The following CRTAC1 variants were observed in gnomAD, a reference collection of about 807,000 sequenced individuals.
CRTAC1 encodes the protein cartilage acidic protein 1, also known as acidic secreted protein in cartilage.
CRTAC1 carries 37 observed loss-of-function variants against 67.8 expected under a neutral mutation model. The ratio of observed to expected loss-of-function variants is 0.55; its 90% CI spans 0.42 to 0.72. The LOEUF is 0.72. CRTAC1 is among the 30% of genes least tolerant of loss of function. The probability of loss-of-function intolerance (pLI) is 0.00; values close to 1 mark genes in which losing one functional copy is unlikely to be tolerated. For synonymous variants in CRTAC1, 348 were observed against 371.0 expected (o/e 0.94, Z 0.71); for missense variants, 780 against 931.6 (o/e 0.84, Z 2.12).
chr10:97,986,705 G>A (rs1255252664), intron 2 of CRTAC1, among the ~76,000 whole-genome samples: 1 of 152,136 alleles, frequency 6.6e-6, no homozygotes, highest in Non-Finnish European at 1.5e-5. Context: ...AGTTAATTTT[G>A]CTACAAGATG....
chr10:97,948,810 G>A (rs2051304967), intron 2 of CRTAC1, among the ~76,000 whole-genome samples: 2 of 152,216 alleles, frequency 1.3e-5, no homozygotes, highest in African/African-American at 4.8e-5. Context: ...CATGGCTTGG[G>A]AGGCCTCAGG....
intron 14 of CRTAC1, chr10:97,878,654 C>A (rs1195920771): frequency 7.7e-7 from 1 of 1,303,810 alleles, no homozygotes; most frequent in Non-Finnish European, 1.0e-6. Context: ...TTCTATTTTC[C>A]AAGGAGATTG....
chr10:97,903,559 G>T (rs1487235430), intron 7 of CRTAC1, among the ~76,000 whole-genome samples: 2 of 151,942 alleles, frequency 1.3e-5, no homozygotes, highest in African/African-American at 2.4e-5. Flanking sequence ...GACTTGGTAG[G>T]GGTGGCCTCT....
At chr10:97,931,542 T>C (rs4917794) in intron 3 of CRTAC1, among the ~76,000 whole-genome samples, 121,733 of 152,206 alleles carry the variant, frequency 0.8, 50,180 homozygotes, top group Non-Finnish European at 0.89. Flanking sequence ...TGAAATCAAA[T>C]CCAAAATGCA....
At chr10:97,877,039 A>G (rs2050156613) in intron 14 of CRTAC1, among the ~76,000 whole-genome samples, 1 of 126,828 alleles carries the variant, frequency 7.9e-6, no homozygotes, top group Non-Finnish European at 1.5e-5. Context: ...TCAGCCTTGT[A>G]TCTCTTGCAA....
chr10:97,944,560 T>C (rs2051234137), intron 2 of CRTAC1, among the ~76,000 whole-genome samples: 1 of 152,194 alleles, frequency 6.6e-6, no homozygotes. Flanking sequence ...AAGGTTGTGG[T>C]AGATGGTCTC....
intron 8 of CRTAC1, among the ~76,000 whole-genome samples, chr10:97,900,159 G>A (rs899384010): frequency 3.3e-5 from 5 of 152,264 alleles, no homozygotes; most frequent in South Asian, 2.1e-4. Context: ...AAATATTGCC[G>A]CAGCAAATCC....
At chr10:97,994,057 G>A (rs1423495730) in intron 2 of CRTAC1, among the ~76,000 whole-genome samples, 2 of 152,060 alleles carry the variant, frequency 1.3e-5, no homozygotes, top group African/African-American at 2.4e-5. Context: ...GGGTTTCACC[G>A]TGCTGGCCAG....
intron 7 of CRTAC1, among the ~76,000 whole-genome samples, chr10:97,902,721 A>G (rs1218958919): frequency 1.3e-5 from 2 of 152,174 alleles, no homozygotes; most frequent in Admixed American, 6.5e-5. Context: ...TGTCTCTGGG[A>G]GCATCCTCTA....
At chr10:97,877,027 T>G (rs1432657773) in intron 14 of CRTAC1, among the ~76,000 whole-genome samples, 1 of 149,420 alleles carries the variant, frequency 6.7e-6, no homozygotes, top group Non-Finnish European at 1.5e-5. Flanking sequence ...CCTCTGTATC[T>G]TTCAGCCTTG....
In CRTAC1 at chr10:97,956,130, T is replaced by C. The variant is rs192378758; in HGVS notation, c.225-19764A>G. Among the ~76,000 whole-genome samples, 133 of 152,322 alleles carry C rather than the reference T, an allele frequency of 8.7e-4. 1 individual carries two copies. The highest frequency in any genetic ancestry group is 2.9e-4 in the Non-Finnish European group (20 of 68,028). ...AAACATGTGACTTCCAGGAGGCAAG[T>C]TGACTGACACCAAGTTCTTCCACAT... On this transcript the variant is annotated intron_variant, in intron 2 of 14. Coordinates refer to ENST00000370597, the MANE Select transcript of CRTAC1 (RefSeq NM_018058.7).
At chr10:97,921,098 C>T (rs2050830227) in intron 4 of CRTAC1, among the ~76,000 whole-genome samples, 4 of 152,058 alleles carry the variant, frequency 2.6e-5, no homozygotes, top group Non-Finnish European at 5.9e-5. Flanking sequence ...TTGGAGTCAC[C>T]TGCAGGGCTA....
At chr10:97,920,479 C>T (rs1262930340) in intron 4 of CRTAC1, among the ~76,000 whole-genome samples, 1 of 151,858 alleles carries the variant, frequency 6.6e-6, no homozygotes. Context: ...TCAGAATCAC[C>T]TGGGGGGCTT....
Position 97,897,132 on chromosome 10 carries a change from C to G in CRTAC1, c.1134-141G>C, listed in dbSNP as rs12764836. 5 of 561,766 alleles carry G rather than the reference C, an allele frequency of 8.9e-6. No individual in the cohort carries two copies. The East Asian group carries it at 1.6e-4, about 18-fold the overall frequency. 34.8% of individuals were successfully genotyped at this position (561,766 alleles called of 1,614,324 possible). ...CCACCTGGCTGCCCACGGAGCCACT[C>G]TCTGCTCCCAGGCCCTGCCTATACT... On this transcript the variant is annotated intron_variant, in intron 8 of 14. Coordinates refer to ENST00000370597, the MANE Select transcript of CRTAC1 (RefSeq NM_018058.7).
chr10:97,937,876 C>T (rs1387050530), intron 2 of CRTAC1, among the ~76,000 whole-genome samples: 1 of 152,206 alleles, frequency 6.6e-6, no homozygotes, highest in African/African-American at 2.4e-5. Context: ...GTGCACATCC[C>T]GAGGGAAATG....
intron 2 of CRTAC1, among the ~76,000 whole-genome samples, chr10:97,943,232 TA>T (rs1174131825): frequency 6.6e-6 from 1 of 151,208 alleles, no homozygotes; most frequent in Non-Finnish European, 1.5e-5. Context: ...TGAGGAAATA[TA>T]CAAAAAGGGA....
intron 2 of CRTAC1, among the ~76,000 whole-genome samples, chr10:97,955,755 T>C (rs1448207961): frequency 1.3e-5 from 2 of 152,152 alleles, no homozygotes; most frequent in Non-Finnish European, 2.9e-5. Flanking sequence ...TTGGCTCATA[T>C]AGGAGGACAC....
At chr10:98,023,486 G>A (rs972559085) in intron 1 of CRTAC1, among the ~76,000 whole-genome samples, 20 of 152,112 alleles carry the variant, frequency 1.3e-4, no homozygotes, top group Non-Finnish European at 2.2e-4. Context: ...AACAAATGAC[G>A]GTGTCTCCCT....
At chr10:97,913,902 C>T (rs1290970473) in intron 5 of CRTAC1, among the ~76,000 whole-genome samples, 10 of 152,218 alleles carry the variant, frequency 6.6e-5, no homozygotes, top group Admixed American at 3.9e-4. Flanking sequence ...TAGGCATCTC[C>T]GTCTCCTTCA....
Sources: gnomAD v4.1 joint callset for allele counts (sites outside exome capture counted in the v4.1 genomes callset) on GRCh38, gnomAD v4.1.1 for gene constraint, MANE v1.5 for transcripts, NCBI Gene and HGNC (gene_info 2026-07-23, HGNC 2026-07-21) for gene names.